PLCH1: variants seen among roughly 807,000 people sequenced by gnomAD.
PLCH1 encodes the protein phospholipase C eta 1.
PLCH1 carries 60 observed loss-of-function variants against 126.7 expected under a neutral mutation model. That is an observed-to-expected ratio of 0.47 (90% CI 0.38 to 0.59). The LOEUF is 0.59. PLCH1 is among the 20% of genes least tolerant of loss of function. PLCH1 has a pLI of 0.00. For synonymous variants in PLCH1, 719 were observed against 734.9 expected (o/e 0.98, Z 0.35); for missense variants, 1,723 against 2,040.0 (o/e 0.84, Z 2.99).
chr3:155,595,507 C>T (rs1409427218), intron 3 of PLCH1, among the ~76,000 whole-genome samples: 2 of 152,170 alleles, frequency 1.3e-5, no homozygotes, highest in Non-Finnish European at 2.9e-5. Flanking sequence ...CTGGGACTTG[C>T]ATCAGTGGCC....
At chr3:155,498,527 C>A (rs1282425643) in intron 14 of PLCH1, among the ~76,000 whole-genome samples, 2 of 152,172 alleles carry the variant, frequency 1.3e-5, no homozygotes, top group African/African-American at 4.8e-5. Flanking sequence ...TAGGGAGTAA[C>A]ACCAGAGTTC....
chr3:155,577,116 T>C (rs1319704531), intron 6 of PLCH1, among the ~76,000 whole-genome samples: 1 of 152,138 alleles, frequency 6.6e-6, no homozygotes, highest in Non-Finnish European at 1.5e-5. Flanking sequence ...AAAAATTAGC[T>C]GGGTGTGATG....
At chr3:155,469,219 G>A (rs1269091232) in intron 21 of PLCH1, among the ~76,000 whole-genome samples, 7 of 151,944 alleles carry the variant, frequency 4.6e-5, no homozygotes, top group South Asian at 4.2e-4. Context: ...GTGGGTGTGC[G>A]CACCGTGTGC....
intron 2 of PLCH1, among the ~76,000 whole-genome samples, chr3:155,680,263 G>A (rs1744405431): frequency 6.6e-6 from 1 of 151,776 alleles, no homozygotes; most frequent in Non-Finnish European, 1.5e-5. Context: ...TGAACCTGTA[G>A]TCCCAGCTAC....
chr3:155,620,963 C>A (rs1225724628), intron 2 of PLCH1, among the ~76,000 whole-genome samples: 1 of 152,196 alleles, frequency 6.6e-6, no homozygotes, highest in Non-Finnish European at 1.5e-5. Flanking sequence ...TGTATCCTGA[C>A]TGGAAGACAC....
At chr3:155,662,901 TA>T (rs1449124770) in intron 2 of PLCH1, among the ~76,000 whole-genome samples, 7 of 152,196 alleles carry the variant, frequency 4.6e-5, no homozygotes, top group African/African-American at 1.4e-4. Flanking sequence ...TGACCTCAGG[TA>T]ATCCGCCCAC....
intron 21 of PLCH1, among the ~76,000 whole-genome samples, chr3:155,460,824 A>AGATAGATG (rs933775028): frequency 1.3e-5 from 2 of 151,580 alleles, no homozygotes; most frequent in African/African-American, 2.4e-5. Flanking sequence ...ATAGATAGAT[A>AGATAGATG]GATAGATAGA....
At chr3:155,662,959 C>T (rs1742345253) in intron 2 of PLCH1, among the ~76,000 whole-genome samples, 1 of 152,212 alleles carries the variant, frequency 6.6e-6, no homozygotes, top group African/African-American at 2.4e-5. Context: ...CCACCACTCC[C>T]AGTTCAGGTT....
chr3:155,739,788 C>A (rs909375878), intron 1 of PLCH1, among the ~76,000 whole-genome samples: 1 of 152,190 alleles, frequency 6.6e-6, no homozygotes, highest in Non-Finnish European at 1.5e-5. Flanking sequence ...AAGAAACTAA[C>A]CTCTCTGAAC....
At chr3:155,517,510 T>C (rs79773625) in intron 11 of PLCH1, among the ~76,000 whole-genome samples, 10,577 of 152,166 alleles carry the variant, frequency 0.07, 769 homozygotes, top group African/African-American at 0.19. Context: ...ATGGTGGCCC[T>C]ATGTATTCCT....
chr3:155,732,956 T>G (rs1341843140), intron 1 of PLCH1, among the ~76,000 whole-genome samples: 1 of 128,036 alleles, frequency 7.8e-6, no homozygotes, highest in African/African-American at 3.0e-5. Flanking sequence ...ATCAAGAAAA[T>G]AATCCCATTT....
intron 1 of PLCH1, among the ~76,000 whole-genome samples, chr3:155,741,010 G>T (rs1749581444): frequency 6.6e-6 from 1 of 152,154 alleles, no homozygotes; most frequent in African/African-American, 2.4e-5. Flanking sequence ...ACGTTATCTT[G>T]GTTGTCCCTT....
intron 2 of PLCH1, among the ~76,000 whole-genome samples, chr3:155,599,804 G>A (rs1027719738): frequency 1.3e-5 from 2 of 152,060 alleles, no homozygotes; most frequent in African/African-American, 4.8e-5. Flanking sequence ...TCTGACACAG[G>A]GTCCTCTGTT....
intron 11 of PLCH1, among the ~76,000 whole-genome samples, chr3:155,522,333 T>A (rs993636553): frequency 6.6e-6 from 1 of 152,216 alleles, no homozygotes; most frequent in Non-Finnish European, 1.5e-5. Flanking sequence ...TAATGACACC[T>A]CAAGCATAGT....
intron 21 of PLCH1, among the ~76,000 whole-genome samples, chr3:155,468,821 T>C (rs929600693): frequency 6.6e-6 from 1 of 152,186 alleles, no homozygotes; most frequent in African/African-American, 2.4e-5. Flanking sequence ...ACAATAGTAG[T>C]GGGAGACATC....
intron 8 of PLCH1, among the ~76,000 whole-genome samples, chr3:155,556,685 C>T (rs1287565519): frequency 6.6e-6 from 1 of 152,168 alleles, no homozygotes; most frequent in African/African-American, 2.4e-5. Flanking sequence ...GTGAGTGGGC[C>T]TCGCCCAGTC....
intron 2 of PLCH1, among the ~76,000 whole-genome samples, chr3:155,645,625 C>T (rs1739935166): frequency 6.6e-6 from 1 of 152,068 alleles, no homozygotes; most frequent in Non-Finnish European, 1.5e-5. Context: ...GGACTACAGG[C>T]ACATGCCACC....
At chr3:155,579,284 G>A (rs186040068) in intron 6 of PLCH1, among the ~76,000 whole-genome samples, 3 of 152,272 alleles carry the variant, frequency 2.0e-5, no homozygotes, top group East Asian at 3.9e-4. Context: ...GTATATGTGC[G>A]GATACTTGCC....
chr3:155,454,989 T>G (rs1283611122), intron 21 of PLCH1, among the ~76,000 whole-genome samples: 2 of 152,194 alleles, frequency 1.3e-5, no homozygotes, highest in Non-Finnish European at 2.9e-5. Context: ...GAGGTGAAGC[T>G]TCTAACCACT....
Sources: gnomAD v4.1 joint callset for allele counts (sites outside exome capture counted in the v4.1 genomes callset) on GRCh38, gnomAD v4.1.1 for gene constraint, MANE v1.5 for transcripts, NCBI Gene and HGNC (gene_info 2026-07-23, HGNC 2026-07-21) for gene names.